CLIP1: variants seen among roughly 807,000 people sequenced by gnomAD.
CLIP1 encodes the protein CAP-Gly domain-containing linker protein 1.
A neutral mutation model predicts 161.6 loss-of-function variants in CLIP1; 66 were observed. The ratio of observed to expected loss-of-function variants is 0.41; its 90% CI spans 0.33 to 0.50. The LOEUF (loss-of-function observed/expected upper bound fraction) is 0.50, where lower values mean the gene tolerates loss of function less well. Among genes scored for constraint, CLIP1 ranks in the 20% least tolerant of loss-of-function variants. CLIP1 has a pLI of 0.27. For synonymous variants in CLIP1, 598 were observed against 626.2 expected, an observed-to-expected ratio of 0.96 and a Z score of 0.67; for missense variants, 1,376 against 1,702.0, an observed-to-expected ratio of 0.81 and a Z score of 3.37.
chr12:122,335,272 CAAG>C (rs1399102972), intron 12 of CLIP1, among the ~76,000 whole-genome samples: 1 of 152,106 alleles, frequency 6.6e-6, no homozygotes. Context: ...CTAGCTACAT[CAAG>C]AAGGTTGTTA....
intron 20 of CLIP1, among the ~76,000 whole-genome samples, chr12:122,299,272 A>G (rs1265304300): frequency 6.6e-6 from 1 of 152,112 alleles, no homozygotes; most frequent in Non-Finnish European, 1.5e-5. Context: ...GTGCCAGGCA[A>G]TGGCTTTCTA....
intron 1 of CLIP1, among the ~76,000 whole-genome samples, chr12:122,405,536 C>T (rs1039054264): frequency 1.3e-5 from 2 of 152,300 alleles, no homozygotes; most frequent in Non-Finnish European, 2.9e-5. Context: ...CACCTGTAAT[C>T]CCAGCACTTT....
At chr12:122,363,919 G>C in intron 4 of CLIP1, 64 bp downstream of exon 4, 1 of 1,607,802 alleles carries the variant, frequency 6.2e-7, no homozygotes, top group African/African-American at 1.3e-5. Context: ...CACGCTTGGT[G>C]AGACTGGCCT....
At chr12:122,364,987 A>C in intron 3 of CLIP1, 1 of 408,956 alleles carries the variant, frequency 2.4e-6, no homozygotes, top group South Asian at 2.0e-5. Flanking sequence ...TCGCAAGGAC[A>C]AAAAACCAAA....
At chr12:122,398,831 A>G (rs931906174) in intron 1 of CLIP1, among the ~76,000 whole-genome samples, 1 of 151,946 alleles carries the variant, frequency 6.6e-6, no homozygotes, top group Admixed American at 6.6e-5. Context: ...CAATATTAGC[A>G]AGACTTTATC....
chr12:122,354,372 G>C, intron 7 of CLIP1, 81 bp downstream of exon 7: 1 of 1,028,608 alleles, frequency 9.7e-7, no homozygotes, highest in Non-Finnish European at 1.5e-6. Context: ...TGCAGCCTGG[G>C]CAACAGAGCT....
At chr12:122,288,610 T>C (rs1286325835) in intron 20 of CLIP1, 69 bp from the exon 21 acceptor site, 14 of 1,354,006 alleles carry the variant, frequency 1.0e-5, no homozygotes, top group Non-Finnish European at 1.0e-6. Flanking sequence ...TCATCCCACA[T>C]GTACATCCCC....
At chr12:122,384,633 C>T (rs1055488839) in intron 1 of CLIP1, among the ~76,000 whole-genome samples, 1 of 151,824 alleles carries the variant, frequency 6.6e-6, no homozygotes, top group African/African-American at 2.4e-5. Context: ...TGGTGGCGGG[C>T]GCTTGTAATC....
chr12:122,377,920 T>C lies in CLIP1; in HGVS notation c.126A>G (p.Ala42=), dbSNP rs777916933. Residue 42 remains alanine (A), a synonymous_variant, in exon 3 of 26, where the codon GCA becomes GCG. Coordinates refer to ENST00000620786, the MANE Select transcript of CLIP1 (RefSeq NM_001247997.2). ...PVEKTISSEK[A]SSTPSSETQE... is the part of the protein sequence containing the mutation. The stretch of plus-strand genomic sequence containing the variant: ...GAGTCTCAGATGATGGAGTGCTTGA[T>C]GCTTTTTCACTGGATATGGTTTTTT... 2.5e-6 allele frequency: 4 copies of C among 1,613,412 alleles called. No homozygotes were observed. Among genetic ancestry groups the C allele is most frequent in the Non-Finnish European group, 2.5e-6 (3 of 1,179,822 alleles).
At chr12:122,417,445 A>T (rs145129760) in intron 1 of CLIP1, among the ~76,000 whole-genome samples, 18 of 151,810 alleles carry the variant, frequency 1.2e-4, no homozygotes, top group African/African-American at 3.9e-4. Context: ...CAGCCTGGTG[A>T]CCGAGTGAGA....
chr12:122,333,103 C>T lies in CLIP1; in HGVS notation c.2751G>A (p.Glu917=), dbSNP rs771720632. ...GTTTTTCCTTTGCCTTTATCAGCTG[C>T]TCTTCTCTCTCATCTTTCTCTCTAA... ...AKFREKDERE[E]QLIKAKEKLE... is the part of the protein sequence containing the mutation. The change falls in exon 15 of 26, where the codon GAG becomes GAA. Residue 917 remains glutamate (E), a synonymous_variant. Coordinates refer to ENST00000620786, the MANE Select transcript of CLIP1 (RefSeq NM_001247997.2). 4.3e-6 allele frequency: 7 copies of T among 1,613,288 alleles called. No individual in the cohort carries two copies. The Admixed American group carries it at 8.3e-5, about 19-fold the overall frequency.
At chr12:122,344,994 A>G (rs1952678562) in intron 10 of CLIP1, among the ~76,000 whole-genome samples, 1 of 7,672 alleles carries the variant, frequency 1.3e-4, no homozygotes, top group African/African-American at 1.1e-3. Context: ...CTAGAGCAGG[A>G]AAAAAAACAT....
intron 1 of CLIP1, among the ~76,000 whole-genome samples, chr12:122,387,407 A>G (rs1214177054): frequency 2.0e-5 from 3 of 151,716 alleles, no homozygotes; most frequent in African/African-American, 7.3e-5. Flanking sequence ...ACCAAACTGC[A>G]CTATTCTTTT....
chr12:122,390,247 T>TAC, intron 1 of CLIP1, among the ~76,000 whole-genome samples: 1 of 104,738 alleles, frequency 9.5e-6, no homozygotes, highest in Non-Finnish European at 1.8e-5. Context: ...CACACATATA[T>TAC]ATACACATAT....
chr12:122,340,691 A>G lies in CLIP1; in HGVS notation c.2451+62T>C, dbSNP rs1019450605. 41 of 1,356,632 alleles carry G rather than the reference A, an allele frequency of 3.0e-5. No individual in the cohort carries two copies. In the African/African-American group the frequency reaches 5.0e-4, roughly 16 times the overall value. The allele number at this position is 1,356,632 out of a possible 1,614,324, so 84.0% of individuals were successfully genotyped here. ...AGATGAATGATCTCAACTCAAAAGT[A>G]ACATAATGCAAAACAAGAATAACAA... is the stretch of plus-strand genomic sequence containing the variant. On this transcript the variant is annotated intron_variant, in intron 11 of 25. Transcript: ENST00000620786.
chr12:122,407,103 C>A (rs1316862258), intron 1 of CLIP1, among the ~76,000 whole-genome samples: 1 of 152,072 alleles, frequency 6.6e-6, no homozygotes, highest in Non-Finnish European at 1.5e-5. Flanking sequence ...TCTAGTATCT[C>A]CCAGAAGAAC....
intron 18 of CLIP1, among the ~76,000 whole-genome samples, chr12:122,317,243 C>T (rs1367029396): frequency 2.0e-5 from 3 of 152,118 alleles, no homozygotes; most frequent in African/African-American, 7.2e-5. Flanking sequence ...TGAAAAGAAA[C>T]CCTTTTCTTT....
chr12:122,304,836 T>G (rs931895670), intron 20 of CLIP1, among the ~76,000 whole-genome samples: 11 of 152,144 alleles, frequency 7.2e-5, no homozygotes, highest in Middle Eastern at 3.2e-3. Flanking sequence ...GAGCCCAGAT[T>G]AAAATTATGA....
chr12:122,416,092 T>G (rs187106543), intron 1 of CLIP1, among the ~76,000 whole-genome samples: 1 of 149,208 alleles, frequency 6.7e-6, no homozygotes, highest in East Asian at 2.1e-4. Context: ...ACAAAAACTA[T>G]CTGGGCGTGG....
Sources: allele counts gnomAD v4.1 joint callset (sites outside exome capture counted in the v4.1 genomes callset), GRCh38; gene constraint gnomAD v4.1.1; transcripts MANE v1.5; gene names NCBI Gene and HGNC (gene_info 2026-07-23, HGNC 2026-07-21).